The following MRTFA variants were observed in gnomAD, a reference collection of about 807,000 sequenced individuals.
MRTFA encodes myocardin related transcription factor A, also known as myocardin-related transcription factor A.
In MRTFA, 20 loss-of-function variants were observed where a neutral mutation model predicts 83.5. The observed-to-expected ratio is 0.24, with a 90% CI of 0.17 to 0.35. MRTFA has a LOEUF of 0.35. Ranked by LOEUF, MRTFA falls within the 10% of genes least tolerant of loss-of-function variation. The probability of loss-of-function intolerance (pLI) is 1.00; values close to 1 mark genes in which losing one functional copy is unlikely to be tolerated. For synonymous variants in MRTFA, 659 were observed against 541.2 expected (o/e 1.22, Z -3.02); for missense variants, 1,200 against 1,224.7 (o/e 0.98, Z 0.30).
intron 12 of MRTFA, 37 bp downstream of exon 12, chr22:40,418,337 C>T (rs1402347757): frequency 2.5e-6 from 4 of 1,603,610 alleles, no homozygotes; most frequent in Non-Finnish European, 3.4e-6. Flanking sequence ...TCCCACCCTC[C>T]TCTGGGCCCT....
In MRTFA at chr22:40,424,261, A is replaced by G. The variant is rs1602220720; in HGVS notation, c.722T>C (p.Leu241Pro). 1 of 1,610,564 alleles carries G rather than the reference A, an allele frequency of 6.2e-7. No homozygotes were observed. The highest frequency in any genetic ancestry group is 2.2e-5 in the East Asian group (1 of 44,666). ...CAGTGGTTCGCTGACTCGGGCCTCC[A>G]GGGGTGACGGCACAGAACCCTGGGA... The change falls in exon 8 of 15, where the codon CTG becomes CCG. Residue 241 changes from leucine (L) to proline (P), a missense_variant. Leu to Pro is a moderately conservative substitution (Grantham distance 98). Transcript: ENST00000355630.
intron 3 of MRTFA, among the ~76,000 whole-genome samples, chr22:40,541,418 T>C (rs1248030276): frequency 2.0e-5 from 3 of 152,134 alleles, no homozygotes; most frequent in Non-Finnish European, 2.9e-5. Flanking sequence ...CATACCCAAA[T>C]GTCATGGGCT....
chr22:40,420,293 A>T (rs926713041), intron 11 of MRTFA, 112 bp downstream of exon 11: 62 of 1,272,242 alleles, frequency 4.9e-5, no homozygotes, highest in Non-Finnish European at 6.4e-5. Context: ...TCTGCTTTCC[A>T]TGACGGTGGG....
At chr22:40,449,315 C>G (rs937714933) in intron 4 of MRTFA, among the ~76,000 whole-genome samples, 1 of 150,940 alleles carries the variant, frequency 6.6e-6, no homozygotes, top group South Asian at 2.1e-4. Context: ...CGGAAATTTG[C>G]CATTAACTCT....
At chr22:40,623,305 T>C (rs1459492629) in intron 1 of MRTFA, among the ~76,000 whole-genome samples, 1 of 143,284 alleles carries the variant, frequency 7.0e-6, no homozygotes, top group Non-Finnish European at 1.5e-5. Context: ...GGCCAAAATG[T>C]TCAGGATACT....
intron 1 of MRTFA, among the ~76,000 whole-genome samples, chr22:40,618,764 G>C (rs1346448683): frequency 6.6e-6 from 1 of 151,950 alleles, no homozygotes; most frequent in Non-Finnish European, 1.5e-5. Context: ...AGGAATTCAA[G>C]ACCAGCCTGG....
chr22:40,505,691 C>T (rs150189823), intron 3 of MRTFA, among the ~76,000 whole-genome samples: 150 of 152,316 alleles, frequency 9.8e-4, no homozygotes, highest in African/African-American at 3.3e-3. Flanking sequence ...ACACAGCTTT[C>T]GGGTGGCTTG....
At chr22:40,533,053 G>A (rs1259546676) in intron 3 of MRTFA, among the ~76,000 whole-genome samples, 1 of 152,174 alleles carries the variant, frequency 6.6e-6, no homozygotes, top group Non-Finnish European at 1.5e-5. Flanking sequence ...CCTCCCCTGT[G>A]TTGACTGACT....
At chr22:40,589,645 T>C (rs1165303414) in intron 2 of MRTFA, among the ~76,000 whole-genome samples, 2 of 152,162 alleles carry the variant, frequency 1.3e-5, no homozygotes, top group East Asian at 1.9e-4. Flanking sequence ...TGTGAAAAGG[T>C]TGTCAACAAA....
At chr22:40,631,231 G>A (rs1248185736) in intron 1 of MRTFA, among the ~76,000 whole-genome samples, 1 of 152,126 alleles carries the variant, frequency 6.6e-6, no homozygotes. Flanking sequence ...GCCTCCTTCT[G>A]CATACTCATA....
chr22:40,518,102 G>T (rs1033945424), intron 3 of MRTFA, among the ~76,000 whole-genome samples: 1 of 152,234 alleles, frequency 6.6e-6, no homozygotes, highest in African/African-American at 2.4e-5. Flanking sequence ...CCATTTGGCT[G>T]TTCCTGAGTT....
At chr22:40,530,053 C>G (rs2055050542) in intron 3 of MRTFA, among the ~76,000 whole-genome samples, 1 of 152,176 alleles carries the variant, frequency 6.6e-6, no homozygotes, top group Non-Finnish European at 1.5e-5. Flanking sequence ...CCAAAGCATA[C>G]CTAAGGAACT....
intron 3 of MRTFA, chr22:40,533,459 T>C (rs1333397577): frequency 4.5e-6 from 2 of 443,540 alleles, no homozygotes; most frequent in Non-Finnish European, 7.4e-6. Context: ...GAAAATGCAG[T>C]ACATTTCTTC....
chr22:40,568,913 T>C (rs1363646002), intron 2 of MRTFA, among the ~76,000 whole-genome samples: 3 of 152,270 alleles, frequency 2.0e-5, no homozygotes, highest in Non-Finnish European at 2.9e-5. Context: ...AAATACCTTA[T>C]GGGTAGCCTA....
intron 3 of MRTFA, among the ~76,000 whole-genome samples, chr22:40,544,310 T>C (rs1432968047): frequency 6.6e-6 from 1 of 152,162 alleles, no homozygotes; most frequent in African/African-American, 2.4e-5. Context: ...TTATAGTTCA[T>C]TGTAACCTTG....
chr22:40,586,958 CT>C, intron 2 of MRTFA: 1 of 450,844 alleles, frequency 2.2e-6, no homozygotes, highest in South Asian at 1.6e-5. Context: ...CCGCCGCTGC[CT>C]TATCCACCTG....
In MRTFA at chr22:40,502,496, A is replaced by ATG. The variant is rs1184869547; in HGVS notation, c.242-39212_242-39211dup. 3.0e-5 allele frequency among the ~76,000 whole-genome samples: 4 copies of ATG among 134,730 alleles called. 1 individual carries two copies. Among genetic ancestry groups the ATG allele is most frequent in the Admixed American group, 2.9e-4 (4 of 13,570 alleles). The allele number at this position is 134,730 out of a possible 152,430, so 88.4% of individuals were successfully genotyped here. ...GGCAGAGACGCTCCTCACTTCCTAG[A>ATG]TGTGATGGCGGCTGCGCTCCTCACT... On this transcript the variant is annotated intron_variant, in intron 3 of 14. Coordinates refer to ENST00000355630, the MANE Select transcript of MRTFA (RefSeq NM_020831.6).
At chr22:40,506,588 G>A (rs2054583863) in intron 3 of MRTFA, among the ~76,000 whole-genome samples, 2 of 152,174 alleles carry the variant, frequency 1.3e-5, no homozygotes, top group Non-Finnish European at 1.5e-5. Context: ...AGTGCCCAAC[G>A]AGGTTGGATG....
At chr22:40,417,902 C>T (rs1341053412) in intron 12 of MRTFA, among the ~76,000 whole-genome samples, 1 of 152,194 alleles carries the variant, frequency 6.6e-6, no homozygotes, top group Non-Finnish European at 1.5e-5. Context: ...CACCTGTGGC[C>T]TGGGCTGAGA....
Sources: allele counts gnomAD v4.1 joint callset (sites outside exome capture counted in the v4.1 genomes callset), GRCh38; gene constraint gnomAD v4.1.1; transcripts MANE v1.5; gene names NCBI Gene and HGNC (gene_info 2026-07-23, HGNC 2026-07-21).